ZBTB16: variants seen among roughly 807,000 people sequenced by gnomAD.
ZBTB16 encodes zinc finger and BTB domain-containing protein 16.
In ZBTB16, 8 loss-of-function variants were observed where a neutral mutation model predicts 56.8. That is an observed-to-expected ratio of 0.14 (90% CI 0.08 to 0.25). The LOEUF (loss-of-function observed/expected upper bound fraction) is 0.25. Among genes scored for constraint, ZBTB16 ranks in the 10% least tolerant of loss-of-function variants. The pLI is 1.00. For missense variants in ZBTB16, 625 were observed against 903.0 expected, an observed-to-expected ratio of 0.69 and a Z score of 3.95; for synonymous variants, 363 against 368.5, an observed-to-expected ratio of 0.98 and a Z score of 0.17.
At chr11:114,075,283 A>C (rs967773140) in intron 2 of ZBTB16, among the ~76,000 whole-genome samples, 1 of 152,088 alleles carries the variant, frequency 6.6e-6, no homozygotes, top group African/African-American at 2.4e-5. Flanking sequence ...TCACTTCCTC[A>C]TCTGTGAGAT....
intron 1 of ZBTB16, among the ~76,000 whole-genome samples, chr11:114,061,870 CT>C (rs1409966953): frequency 6.6e-6 from 1 of 152,170 alleles, no homozygotes; most frequent in Non-Finnish European, 1.5e-5. Flanking sequence ...CTTGCTGCCC[CT>C]GGTCACAGGA....
chr11:114,227,453 G>C (rs1944351282), intron 4 of ZBTB16, among the ~76,000 whole-genome samples: 1 of 152,212 alleles, frequency 6.6e-6, no homozygotes, highest in South Asian at 2.1e-4. Flanking sequence ...AAATTCATTT[G>C]TGCAATCCTT....
chr11:114,090,619 A>AG (rs1940150860), intron 2 of ZBTB16, among the ~76,000 whole-genome samples: 1 of 152,200 alleles, frequency 6.6e-6, no homozygotes, highest in Non-Finnish European at 1.5e-5. Context: ...TTTGATTCTC[A>AG]GCCTTTTCAT....
rs1040230969 is a variant in ZBTB16, at chr11:114,252,775, A to G, written c.*2220A>G. Among the ~76,000 whole-genome samples the G allele has an allele frequency of 3.3e-5, 5 of 152,086 alleles. No homozygotes were observed. The highest frequency in any genetic ancestry group is 7.2e-5 in the African/African-American group (3 of 41,386). On this transcript the variant is annotated 3_prime_UTR_variant, in exon 7 of 7. Coordinates refer to ENST00000335953, the MANE Select transcript of ZBTB16 (RefSeq NM_006006.6). ...AGCCGGAGGGATGGGTGCTGCTGCG[A>G]CGACCCCCCCGTCCCTCGGCCCCAG...
chr11:114,105,256 T>G (rs1940748973), intron 2 of ZBTB16, among the ~76,000 whole-genome samples: 2 of 151,626 alleles, frequency 1.3e-5, no homozygotes, highest in Admixed American at 6.6e-5. Flanking sequence ...TTTTTTTTTT[T>G]GAGACGTGGA....
intron 3 of ZBTB16, among the ~76,000 whole-genome samples, chr11:114,162,451 T>G (rs1942615895): frequency 6.6e-6 from 1 of 152,164 alleles, no homozygotes; most frequent in South Asian, 2.1e-4. Flanking sequence ...GAGGTGCCTT[T>G]GAGTCCAAAG....
intron 2 of ZBTB16, among the ~76,000 whole-genome samples, chr11:114,145,483 C>T (rs1166519273): frequency 1.3e-5 from 2 of 152,184 alleles, no homozygotes; most frequent in Non-Finnish European, 2.9e-5. Flanking sequence ...AGTACTGATA[C>T]AAGCTATGAT....
chr11:114,236,371 G>A (rs554099147), intron 4 of ZBTB16, among the ~76,000 whole-genome samples: 1 of 152,262 alleles, frequency 6.6e-6, no homozygotes, highest in East Asian at 1.9e-4. Context: ...ATCCAAGAAG[G>A]GCTGTACCTC....
chr11:114,158,979 G>T (rs1565657661), intron 3 of ZBTB16, among the ~76,000 whole-genome samples: 1 of 152,218 alleles, frequency 6.6e-6, no homozygotes, highest in Non-Finnish European at 1.5e-5. Flanking sequence ...GGAGCCCCTG[G>T]CTCGTATTGT....
chr11:114,238,781 C>T (rs1419454303), intron 4 of ZBTB16, among the ~76,000 whole-genome samples: 3 of 152,170 alleles, frequency 2.0e-5, no homozygotes, highest in Admixed American at 6.5e-5. Context: ...CAGGGCCTGA[C>T]CTTGGCCCCA....
chr11:114,162,018 C>T lies in ZBTB16; in HGVS notation c.1366+5584C>T, dbSNP rs57112973. Among the ~76,000 whole-genome samples the T allele has an allele frequency of 2.2e-3, 336 of 152,320 alleles. 2 individuals carry two copies. Among genetic ancestry groups the T allele is most frequent in the African/African-American group, 7.6e-3 (315 of 41,570 alleles). ...TTGCCCTTGTCAGGCACTGTAGGCC[C>T]TGGCTGTTGAGAAGCATCCCTGAGA... On this transcript the variant is annotated intron_variant, in intron 3 of 6. Transcript: ENST00000335953.
intron 2 of ZBTB16, among the ~76,000 whole-genome samples, chr11:114,117,139 G>T (rs552464517): frequency 2.0e-5 from 3 of 152,068 alleles, no homozygotes; most frequent in East Asian, 1.9e-4. Flanking sequence ...AACAGCACAC[G>T]CAAAGGCCGG....
At chr11:114,083,230 TA>T (rs974991415) in intron 2 of ZBTB16, among the ~76,000 whole-genome samples, 1 of 152,258 alleles carries the variant, frequency 6.6e-6, no homozygotes, top group East Asian at 1.9e-4. Flanking sequence ...TTGTCTTTTT[TA>T]AAAAAAGAAG....
intron 5 of ZBTB16, 127 bp downstream of exon 5, chr11:114,242,464 G>C (rs545216056): frequency 7.4e-7 from 1 of 1,352,684 alleles, no homozygotes; most frequent in Non-Finnish European, 1.0e-6. Flanking sequence ...AGGCTTGGAC[G>C]TGCAGAGGCT....
intron 2 of ZBTB16, among the ~76,000 whole-genome samples, chr11:114,073,464 G>T (rs1939428131): frequency 6.6e-6 from 1 of 152,196 alleles, no homozygotes; most frequent in Admixed American, 6.5e-5. Context: ...TTATGCTGGT[G>T]CAGTCTGGAA....
intron 4 of ZBTB16, among the ~76,000 whole-genome samples, chr11:114,191,185 C>T (rs957199843): frequency 6.6e-6 from 1 of 152,194 alleles, no homozygotes; most frequent in Non-Finnish European, 1.5e-5. Context: ...TCACCTCCAG[C>T]ATTGGGGATT....
rs568125622 is a variant in ZBTB16, at chr11:114,156,816, G to A, written c.1366+382G>A. ...CCTTTAATTAAATGGATATAGAAAG[G>A]TTGGAACACAAAGCTGGTTATAGCG... On this transcript the variant is annotated intron_variant, in intron 3 of 6. Transcript: ENST00000335953. Among the ~76,000 whole-genome samples, 10 of 152,324 alleles carry A rather than the reference G, an allele frequency of 6.6e-5. No homozygotes were observed. The East Asian group carries it at 1.9e-3, about 29-fold the overall frequency.
intron 3 of ZBTB16, among the ~76,000 whole-genome samples, chr11:114,176,423 G>A (rs993589400): frequency 6.6e-6 from 1 of 152,070 alleles, no homozygotes; most frequent in Non-Finnish European, 1.5e-5. Flanking sequence ...CTGGAACTCG[G>A]GTCAGTCTTT....
rs1938805195 is a variant in ZBTB16 at position 114,060,750 on chromosome 11, T to TCGC, written c.-91+869_-91+871dup. Among the ~76,000 whole-genome samples the TCGC allele has an allele frequency of 6.6e-6, 1 of 151,928 alleles. No homozygotes were observed. Among genetic ancestry groups the TCGC allele is most frequent in the Admixed American group, 6.5e-5 (1 of 15,268 alleles). On this transcript the variant is annotated intron_variant, in intron 1 of 6. Coordinates refer to ENST00000335953, the MANE Select transcript of ZBTB16 (RefSeq NM_006006.6). This position sits in a 1 kb window ranked among gnomAD's most constrained non-coding sequence, Gnocchi z 6.0. ...GACGCACGGAGCGCTCCGCACCGAC[T>TCGC]CGCTCGCCGCCTCCCCGAGACGCTC... is the stretch of plus-strand genomic sequence containing the variant.
Sources: allele counts gnomAD v4.1 joint callset (sites outside exome capture counted in the v4.1 genomes callset), GRCh38; gene constraint gnomAD v4.1.1; non-coding constraint Gnocchi (gnomAD v3.1); transcripts MANE v1.5; gene names NCBI Gene and HGNC (gene_info 2026-07-23, HGNC 2026-07-21).